Variants in UMAD1 observed in about 807,000 individuals in gnomAD.
The protein encoded by UMAD1 is UBAP1-MVB12-associated (UMA)-domain containing protein 1.
A neutral mutation model predicts 6.1 loss-of-function variants in UMAD1; 8 were observed. The ratio of observed to expected loss-of-function variants is 1.30; its 90% CI spans 0.76 to 2.35. UMAD1 has a LOEUF of 2.35. Ranked by LOEUF, UMAD1 falls within the 30% of genes most tolerant of loss-of-function variation. The pLI is 0.00. For synonymous variants in UMAD1, 56 were observed against 31.4 expected (o/e 1.78, Z -2.61); for missense variants, 130 against 78.4 (o/e 1.66, Z -2.49).
intron 2 of UMAD1, among the ~76,000 whole-genome samples, chr7:7,745,124 A>C (rs1356805239): frequency 1.3e-5 from 2 of 152,240 alleles, no homozygotes; most frequent in Non-Finnish European, 2.9e-5. Flanking sequence ...CATAGAGAAG[A>C]GGAACTATTC....
intron 2 of UMAD1, among the ~76,000 whole-genome samples, chr7:7,744,550 A>T (rs936416870): frequency 6.6e-6 from 1 of 151,066 alleles, no homozygotes; most frequent in African/African-American, 2.4e-5. Flanking sequence ...GCTGTGTACA[A>T]GGGTTCTCAT....
chr7:7,727,478 G>A (rs530287001), intron 2 of UMAD1, among the ~76,000 whole-genome samples: 2 of 152,294 alleles, frequency 1.3e-5, no homozygotes, highest in African/African-American at 4.8e-5. Flanking sequence ...ATGAGTTCAA[G>A]TTGACAAGGA....
At chr7:7,775,041 A>G (rs1376059802) in intron 2 of UMAD1, among the ~76,000 whole-genome samples, 3 of 151,934 alleles carry the variant, frequency 2.0e-5, no homozygotes, top group Admixed American at 2.0e-4. Context: ...TAGCCAAGAA[A>G]CCCTCTTTAA....
intron 1 of UMAD1, among the ~76,000 whole-genome samples, chr7:7,659,786 G>T (rs1410627598): frequency 1.3e-5 from 2 of 152,178 alleles, no homozygotes; most frequent in Non-Finnish European, 2.9e-5. Context: ...TGTTAATTTG[G>T]GGTGGAGTGT....
chr7:7,827,508 C>T (rs911317458), intron 3 of UMAD1, among the ~76,000 whole-genome samples: 4 of 151,902 alleles, frequency 2.6e-5, no homozygotes, highest in African/African-American at 4.8e-5. Flanking sequence ...TTAAAATTGA[C>T]TCATGTTTTA....
At chr7:7,804,527 G>T (rs1782868064) in intron 3 of UMAD1, among the ~76,000 whole-genome samples, 2 of 152,186 alleles carry the variant, frequency 1.3e-5, no homozygotes, top group African/African-American at 4.8e-5. Flanking sequence ...CAAAAAATTA[G>T]CCGGGCTTGG....
chr7:7,869,842 G>A (rs1784303425), intron 3 of UMAD1, among the ~76,000 whole-genome samples: 1 of 152,180 alleles, frequency 6.6e-6, no homozygotes. Flanking sequence ...AAACACCCAA[G>A]AGCGAGGTTC....
At chr7:7,742,390 T>C in intron 2 of UMAD1, 1 of 586,780 alleles carries the variant, frequency 1.7e-6, no homozygotes, top group Non-Finnish European at 3.3e-6. Flanking sequence ...GCCTCCGGAG[T>C]CGCAGTGTCT....
At chr7:7,652,406 C>G (rs189026577) in intron 1 of UMAD1, among the ~76,000 whole-genome samples, 1 of 152,260 alleles carries the variant, frequency 6.6e-6, no homozygotes, top group Admixed American at 6.5e-5. Context: ...TCTTTACATA[C>G]ATTTTGTTGT....
At chr7:7,801,629 A>G (rs889640310) in intron 2 of UMAD1, 41 bp from the exon 3 acceptor site, 3 of 709,826 alleles carry the variant, frequency 4.2e-6, no homozygotes, top group Non-Finnish European at 7.8e-6. Context: ...CCTCAGTAAT[A>G]TGGTCAAGTT....
At chr7:7,758,421 AT>A (rs1001717495) in intron 2 of UMAD1, among the ~76,000 whole-genome samples, 98 of 152,164 alleles carry the variant, frequency 6.4e-4, no homozygotes, top group African/African-American at 2.2e-3. Flanking sequence ...TTATCTTTAA[AT>A]TTTTTTATAT....
At chr7:7,711,041 G>A (rs1458330464) in intron 2 of UMAD1, among the ~76,000 whole-genome samples, 1 of 152,148 alleles carries the variant, frequency 6.6e-6, no homozygotes, top group Non-Finnish European at 1.5e-5. Flanking sequence ...TAAGGATGGG[G>A]TGAAAGTTAG....
In UMAD1 at chr7:7,822,070, A is replaced by G. The variant is rs576394930; in HGVS notation, c.156+20327A>G. On this transcript the variant is annotated intron_variant, in intron 3 of 3. Coordinates refer to ENST00000682710, the MANE Select transcript of UMAD1 (RefSeq NM_001302348.2). The stretch of plus-strand genomic sequence containing the variant: ...ATATCAGCCAAAGCAAAACCTACAT[A>G]TGGTAGGAACTGGAAAGCAAGCATT... Among the ~76,000 whole-genome samples the G allele has an allele frequency of 2.0e-5, 3 of 152,234 alleles. No individual in the cohort carries two copies. In the East Asian group the frequency reaches 5.8e-4, roughly 29 times the overall value.
chr7:7,673,621 G>T (rs577085359), intron 2 of UMAD1, among the ~76,000 whole-genome samples, 168 bp downstream of exon 2: 1 of 152,194 alleles, frequency 6.6e-6, no homozygotes, highest in Non-Finnish European at 1.5e-5. Context: ...TCAATTACTT[G>T]GAATAGTGTC....
chr7:7,784,951 A>G (rs1157410275), intron 2 of UMAD1, among the ~76,000 whole-genome samples: 1 of 151,860 alleles, frequency 6.6e-6, no homozygotes, highest in Non-Finnish European at 1.5e-5. Flanking sequence ...TTTAGTAGAG[A>G]CGGGGTTTCA....
intron 2 of UMAD1, among the ~76,000 whole-genome samples, chr7:7,685,587 C>T (rs1276431326): frequency 1.3e-5 from 2 of 152,110 alleles, no homozygotes; most frequent in Admixed American, 6.5e-5. Flanking sequence ...GGATTATAGG[C>T]GTGAGCCACC....
intron 3 of UMAD1, among the ~76,000 whole-genome samples, chr7:7,834,941 G>A (rs975569205): frequency 1.3e-5 from 2 of 152,106 alleles, no homozygotes; most frequent in African/African-American, 4.8e-5. Flanking sequence ...CTGTGAAGCA[G>A]AAGAGAGAGA....
intron 3 of UMAD1, among the ~76,000 whole-genome samples, chr7:7,855,219 C>G (rs1202619214): frequency 6.6e-6 from 1 of 152,158 alleles, no homozygotes; most frequent in Non-Finnish European, 1.5e-5. Flanking sequence ...TCTGGAGGAT[C>G]GTGGTTCTCT....
intron 3 of UMAD1, among the ~76,000 whole-genome samples, chr7:7,857,572 T>G (rs1251395326): frequency 2.0e-5 from 3 of 152,234 alleles, no homozygotes; most frequent in Non-Finnish European, 4.4e-5. Flanking sequence ...CACAGGACAC[T>G]CTGTTGTGAC....
Sources: gnomAD v4.1 joint callset for allele counts (sites outside exome capture counted in the v4.1 genomes callset) on GRCh38, gnomAD v4.1.1 for gene constraint, MANE v1.5 for transcripts, NCBI Gene and HGNC (gene_info 2026-07-23, HGNC 2026-07-21) for gene names.